Variants in RBMS1 observed in about 807,000 individuals in gnomAD.
RBMS1 encodes the protein RNA-binding motif, single-stranded-interacting protein 1.
Under a neutral mutation model 62.3 loss-of-function variants are expected in RBMS1, and 17 were observed. The observed-to-expected ratio is 0.27, with a 90% confidence interval of 0.19 to 0.41. The LOEUF (loss-of-function observed/expected upper bound fraction) is 0.41, where lower values mean the gene tolerates loss of function less well. RBMS1 is among the 10% of genes least tolerant of loss of function. The pLI, the probability that RBMS1 is intolerant of heterozygous loss-of-function variation, is 1.00. For synonymous variants in RBMS1, 172 were observed against 170.0 expected (o/e 1.01, Z -0.09); for missense variants, 334 against 504.5 (o/e 0.66, Z 3.24).
In RBMS1 at chr2:160,298,484, A is replaced by T. The variant is rs190677317; in HGVS notation, c.640+2167T>A. On this transcript the variant is annotated intron_variant, in intron 6 of 13. Transcript: ENST00000348849. Reference sequence around the variant, plus strand: ...AAATTATCAGAATCCTGAGCCAAAAAATGGAATTCAAGGCAACACTAACAA... The same window carrying T: ...AAATTATCAGAATCCTGAGCCAAAATATGGAATTCAAGGCAACACTAACAA... 1.9e-3 allele frequency among the ~76,000 whole-genome samples: 294 copies of T among 152,314 alleles called. 1 individual carries two copies. The highest frequency in any genetic ancestry group is 5.4e-3 in the South Asian group (26 of 4,826).
intron 2 of RBMS1, among the ~76,000 whole-genome samples, chr2:160,326,757 G>A (rs560517366): frequency 6.6e-6 from 1 of 152,282 alleles, no homozygotes; most frequent in Non-Finnish European, 1.5e-5. Flanking sequence ...ATGACGAGAC[G>A]GAGGGGGTGA....
intron 4 of RBMS1, among the ~76,000 whole-genome samples, chr2:160,306,472 T>A (rs1389060575): frequency 6.6e-6 from 1 of 152,178 alleles, no homozygotes; most frequent in African/African-American, 2.4e-5. Flanking sequence ...TTTCCTATGA[T>A]GTGAATGCAT....
chr2:160,464,356 T>C (rs945018711), intron 1 of RBMS1, among the ~76,000 whole-genome samples: 9 of 152,222 alleles, frequency 5.9e-5, no homozygotes, highest in Admixed American at 6.5e-5. Context: ...CAATGCTGCA[T>C]GAAGAAAACT....
intron 1 of RBMS1, among the ~76,000 whole-genome samples, chr2:160,472,987 G>A (rs1389060737): frequency 6.6e-6 from 1 of 152,186 alleles, no homozygotes. Flanking sequence ...CAACTATGTT[G>A]TTTAATTGTA....
At chr2:160,461,917 G>C (rs1684480523) in intron 1 of RBMS1, among the ~76,000 whole-genome samples, 1 of 152,186 alleles carries the variant, frequency 6.6e-6, no homozygotes, top group Non-Finnish European at 1.5e-5. Context: ...AATCCCTCAG[G>C]CTTGCAGACT....
intron 1 of RBMS1, among the ~76,000 whole-genome samples, chr2:160,449,216 C>A (rs7424644): frequency 6.7e-6 from 1 of 149,894 alleles, no homozygotes; most frequent in Non-Finnish European, 1.5e-5. Context: ...GGGCAGCCCC[C>A]GCCAGGCCAG....
At chr2:160,440,520 A>G (rs1161341709) in intron 1 of RBMS1, among the ~76,000 whole-genome samples, 1 of 152,124 alleles carries the variant, frequency 6.6e-6, no homozygotes, top group Non-Finnish European at 1.5e-5. Context: ...ATGAGGCATG[A>G]GGGTCGCCAT....
intron 1 of RBMS1, among the ~76,000 whole-genome samples, chr2:160,467,874 C>A (rs776548630): frequency 5.9e-5 from 9 of 151,990 alleles, no homozygotes; most frequent in Non-Finnish European, 1.3e-4. Flanking sequence ...ATGTATATCT[C>A]AAGCTTGGGA....
chr2:160,419,367 T>C (rs1274961520), intron 1 of RBMS1, among the ~76,000 whole-genome samples: 1 of 152,168 alleles, frequency 6.6e-6, no homozygotes, highest in African/African-American at 2.4e-5. Context: ...AAATGAATCA[T>C]AATTTAAGCT....
intron 1 of RBMS1, among the ~76,000 whole-genome samples, chr2:160,397,494 T>C (rs1573999275): frequency 6.6e-6 from 1 of 152,162 alleles, no homozygotes; most frequent in East Asian, 1.9e-4. Context: ...ATTCCCTCTT[T>C]TTTCTAGCAC....
chr2:160,411,553 A>G (rs912024081), intron 1 of RBMS1, among the ~76,000 whole-genome samples: 2 of 152,172 alleles, frequency 1.3e-5, no homozygotes, highest in Non-Finnish European at 2.9e-5. Context: ...AGGAATCTGG[A>G]CTTTGCAATC....
At chr2:160,388,482 A>T (rs1355345670) in intron 1 of RBMS1, among the ~76,000 whole-genome samples, 1 of 152,190 alleles carries the variant, frequency 6.6e-6, no homozygotes, top group African/African-American at 2.4e-5. Flanking sequence ...GCCCCTGCTA[A>T]GCTGGAAGGG....
At chr2:160,411,615 T>C (rs1027796407) in intron 1 of RBMS1, among the ~76,000 whole-genome samples, 4 of 152,236 alleles carry the variant, frequency 2.6e-5, no homozygotes, top group African/African-American at 7.2e-5. Context: ...ATATTTCAGC[T>C]TCCCACTTGT....
At chr2:160,300,606 C>T (rs939276369) in intron 6 of RBMS1, 45 bp downstream of exon 6, 9 of 1,542,326 alleles carry the variant, frequency 5.8e-6, no homozygotes, top group African/African-American at 2.8e-5. Flanking sequence ...GTTAAACATA[C>T]ATCATATAGA....
At chr2:160,373,052 T>C (rs1431945187) in intron 1 of RBMS1, among the ~76,000 whole-genome samples, 1 of 152,224 alleles carries the variant, frequency 6.6e-6, no homozygotes. Flanking sequence ...CTGGTTCTCA[T>C]ATCTTCACTG....
intron 2 of RBMS1, among the ~76,000 whole-genome samples, chr2:160,351,805 C>T (rs758223533): frequency 2.6e-5 from 4 of 151,974 alleles, no homozygotes; most frequent in African/African-American, 4.8e-5. Context: ...ATAAAAATAA[C>T]GATTGCTATA....
chr2:160,344,439 C>T (rs1258344657), intron 2 of RBMS1, among the ~76,000 whole-genome samples: 1 of 152,144 alleles, frequency 6.6e-6, no homozygotes, highest in Non-Finnish European at 1.5e-5. Flanking sequence ...TGATGTTTTG[C>T]CTGCCTTGAT....
At chr2:160,452,702 G>C (rs1448276085) in intron 1 of RBMS1, among the ~76,000 whole-genome samples, 1 of 152,214 alleles carries the variant, frequency 6.6e-6, no homozygotes, top group Non-Finnish European at 1.5e-5. Context: ...ACAGTGTCAA[G>C]TGCTTGTACC....
chr2:160,316,537 T>C (rs1690232314), intron 3 of RBMS1, among the ~76,000 whole-genome samples: 1 of 152,000 alleles, frequency 6.6e-6, no homozygotes, highest in Non-Finnish European at 1.5e-5. Context: ...ACATGTTAGA[T>C]TTAGCATTAG....
Sources: gnomAD v4.1 joint callset for allele counts (sites outside exome capture counted in the v4.1 genomes callset) on GRCh38, gnomAD v4.1.1 for gene constraint, MANE v1.5 for transcripts, NCBI Gene and HGNC (gene_info 2026-07-23, HGNC 2026-07-21) for gene names.